DEF6: variants seen among roughly 807,000 people sequenced by gnomAD.
DEF6 encodes differentially expressed in FDCP 6 homolog.
Under a neutral mutation model 80.5 loss-of-function variants are expected in DEF6, and 32 were observed. The observed-to-expected ratio is 0.40, with a 90% CI of 0.30 to 0.53. The LOEUF (loss-of-function observed/expected upper bound fraction) is 0.53. Among genes scored for constraint, DEF6 ranks in the 20% least tolerant of loss-of-function variants. The pLI, the probability that DEF6 is intolerant of heterozygous loss-of-function variation, is 0.57. For missense variants in DEF6, 575 were observed against 818.7 expected, an observed-to-expected ratio of 0.70 and a Z score of 3.63; for synonymous variants, 300 against 337.9, an observed-to-expected ratio of 0.89 and a Z score of 1.23.
In DEF6 at chr6:35,319,582, G is replaced by A. The variant is rs766579626; in HGVS notation, c.1274G>A (p.Arg425Gln). ...ELKEEEAARQRQRIKELEEMQ... is the reference protein window; with the variant it reads ...ELKEEEAARQQQRIKELEEMQ... The stretch of plus-strand genomic sequence containing the variant: ...AAGGAGGAGGAGGCTGCCCGGCAGC[G>A]GCAGCGCATCAAGGAGCTGGAGGAG... Residue 425 changes from arginine (R) to glutamine (Q), a missense_variant, in exon 8 of 11, where the codon CGG becomes CAG. Transcript: ENST00000316637. The surrounding 1 kb of genome is among the most constrained non-coding windows in gnomAD (Gnocchi z 4.5). 1 of 1,613,770 alleles carries A rather than the reference G, an allele frequency of 6.2e-7. No homozygotes were observed. The highest frequency in any genetic ancestry group is 2.2e-5 in the East Asian group (1 of 44,864).
At chr6:35,317,777 G>T (rs183954536) in intron 5 of DEF6, 114 bp from the exon 6 acceptor site, 2 of 823,480 alleles carry the variant, frequency 2.4e-6, no homozygotes, top group East Asian at 2.8e-5. Flanking sequence ...GCAGAGTGGG[G>T]TCCCCAGGGA....
intron 1 of DEF6, among the ~76,000 whole-genome samples, chr6:35,298,511 C>G (rs568607398): frequency 6.6e-6 from 1 of 152,130 alleles, no homozygotes; most frequent in East Asian, 1.9e-4. Flanking sequence ...TATACTGCTA[C>G]GCAGCTCACC....
intron 1 of DEF6, among the ~76,000 whole-genome samples, chr6:35,301,380 C>T (rs1009480872): frequency 3.3e-5 from 5 of 152,200 alleles, no homozygotes; most frequent in African/African-American, 7.2e-5. Flanking sequence ...TGGATCCGTA[C>T]TGCTCCCCAT....
At chr6:35,311,015 A>C (rs1791459143) in intron 3 of DEF6, among the ~76,000 whole-genome samples, 1 of 152,168 alleles carries the variant, frequency 6.6e-6, no homozygotes, top group Non-Finnish European at 1.5e-5. Context: ...CTTCCAGGAC[A>C]GGAAGGATGC....
At chr6:35,317,251 G>A (rs1791533126) in intron 5 of DEF6, among the ~76,000 whole-genome samples, 2 of 152,244 alleles carry the variant, frequency 1.3e-5, no homozygotes, top group Non-Finnish European at 1.5e-5. Flanking sequence ...CAGACTAACA[G>A]TGTGAGGTGG....
Position 35,312,918 on chromosome 6 carries a change from TC to T in DEF6, c.807+148del. On this transcript the variant is annotated intron_variant, in intron 5 of 10. Coordinates refer to ENST00000316637, the MANE Select transcript of DEF6 (RefSeq NM_022047.4). This position sits in a 1 kb window ranked among gnomAD's most constrained non-coding sequence, Gnocchi z 6.6. Reference sequence around the variant, plus strand: ...CTTAGATTAGTGTGACCCAAATATATCCGGATGCCTCAAGGCCATTCTCATC... The same window carrying T: ...CTTAGATTAGTGTGACCCAAATATATCGGATGCCTCAAGGCCATTCTCATC... 2.1e-6 allele frequency: 2 copies of T among 953,690 alleles called. No individual in the cohort carries two copies. The highest frequency in any genetic ancestry group is 3.4e-5 in the South Asian group (2 of 58,864). 59.1% of individuals were successfully genotyped at this position (953,690 alleles called of 1,614,324 possible).
At chr6:35,302,278 G>C (rs1188887166) in intron 1 of DEF6, among the ~76,000 whole-genome samples, 1 of 152,082 alleles carries the variant, frequency 6.6e-6, no homozygotes, top group Non-Finnish European at 1.5e-5. Context: ...AGGATCGCTT[G>C]AGCCCGAGAG....
At chr6:35,302,495 T>G (rs780019037) in intron 1 of DEF6, among the ~76,000 whole-genome samples, 2 of 152,180 alleles carry the variant, frequency 1.3e-5, no homozygotes, top group Non-Finnish European at 2.9e-5. Context: ...AACATGGACC[T>G]GACACCCACA....
chr6:35,307,293 G>A (rs1304072960), intron 1 of DEF6, among the ~76,000 whole-genome samples: 1 of 152,236 alleles, frequency 6.6e-6, no homozygotes, highest in Non-Finnish European at 1.5e-5. Context: ...CAGCTACTCA[G>A]GAGGCTGAGG....
At chr6:35,315,580 G>A (rs1791515910) in intron 5 of DEF6, among the ~76,000 whole-genome samples, 1 of 151,926 alleles carries the variant, frequency 6.6e-6, no homozygotes. Flanking sequence ...CCAATACATA[G>A]CATGGGATAT....
intron 2 of DEF6, 104 bp from the exon 3 acceptor site, chr6:35,310,355 A>G (rs1791447309): frequency 3.2e-6 from 4 of 1,258,916 alleles, no homozygotes; most frequent in African/African-American, 1.5e-5. Context: ...GGACTTGGCC[A>G]GGTGGGGAGC....
intron 1 of DEF6, among the ~76,000 whole-genome samples, chr6:35,298,744 A>C (rs1791275211): frequency 6.6e-6 from 1 of 152,188 alleles, no homozygotes; most frequent in South Asian, 2.1e-4. Flanking sequence ...GGGAGGAAGC[A>C]AGGCCCTCAG....
intron 1 of DEF6, among the ~76,000 whole-genome samples, chr6:35,305,525 TAAA>T: frequency 6.6e-6 from 1 of 152,208 alleles, no homozygotes; most frequent in East Asian, 1.9e-4. Context: ...GAATTTATTA[TAAA>T]ATTAAAACAT....
Position 35,319,532 on chromosome 6 carries a change from C to T in DEF6, c.1224C>T (p.Ala408=), listed in dbSNP as rs138908911. 974 of 1,611,694 alleles carry T rather than the reference C, an allele frequency of 6.0e-4. 1 individual carries two copies. Among genetic ancestry groups the T allele is most frequent in the Non-Finnish European group, 7.5e-4 (885 of 1,178,692 alleles). The part of the protein sequence containing the change: ...GQLREAEQAR[A]SMQAEMELKE... ...ACCTCCCCCCTCCACAGGCCCGGGC[C>T]TCCATGCAGGCTGAGATGGAGCTGA... The change falls in exon 8 of 11, where the codon GCC becomes GCT. Residue 408 remains alanine, a synonymous_variant. Coordinates refer to ENST00000316637, the MANE Select transcript of DEF6 (RefSeq NM_022047.4). The surrounding 1 kb of genome is among the most constrained non-coding windows in gnomAD (Gnocchi z 4.5).
At position 35,297,842 on chromosome 6, in the gene DEF6, G is replaced by A. The variant is rs1381508788; in HGVS notation, c.-15G>A. The A allele has an allele frequency of 2.5e-6, 4 of 1,580,594 alleles. No homozygotes were observed. In the African/African-American group the frequency reaches 4.0e-5, roughly 16 times the overall value. The stretch of plus-strand genomic sequence containing the variant: ...TAGTGTCAGAGCCGCCCCCAGCCGG[G>A]CGGGCGCCTCAGCCATGGCCCTGCG... On this transcript the variant is annotated 5_prime_UTR_variant, in exon 1 of 11. Transcript: ENST00000316637.
chr6:35,300,718 C>G (rs1791303127), intron 1 of DEF6, among the ~76,000 whole-genome samples: 1 of 152,106 alleles, frequency 6.6e-6, no homozygotes, highest in African/African-American at 2.4e-5. Context: ...ACAAAACTTC[C>G]CAGGAGTTGA....
At position 35,313,631 on chromosome 6, in the gene DEF6, G is replaced by C. The variant is rs56863135; in HGVS notation, c.807+859G>C. Among the ~76,000 whole-genome samples, 959 of 152,080 alleles carry C rather than the reference G, an allele frequency of 6.3e-3. 13 individuals are homozygous for C. The highest frequency in any genetic ancestry group is 0.02 in the African/African-American group (819 of 41,470). ...CTCCCCCCACACTTCCTGGCCTCTG[G>C]TACCACTAATATACTCTCTATCTTC... On this transcript the variant is annotated intron_variant, in intron 5 of 10. Coordinates refer to ENST00000316637, the MANE Select transcript of DEF6 (RefSeq NM_022047.4).
chr6:35,312,161 C>A lies in DEF6; in HGVS notation c.424-141C>A. 1 of 687,714 alleles carries A rather than the reference C, an allele frequency of 1.5e-6. No homozygotes were observed. Among genetic ancestry groups the A allele is most frequent in the Non-Finnish European group, 2.4e-6 (1 of 413,290 alleles). 42.6% of individuals were successfully genotyped at this position (687,714 alleles called of 1,614,324 possible). ...CCAGGTCTTTTCCCTGGCTCCATAA[C>A]ATTCGGTCCTCTGGCCCCCTCAACG... On this transcript the variant is annotated intron_variant, in intron 3 of 10. Coordinates refer to ENST00000316637, the MANE Select transcript of DEF6 (RefSeq NM_022047.4). The surrounding 1 kb of genome is among the most constrained non-coding windows in gnomAD (Gnocchi z 6.6).
At chr6:35,320,058 A>T in intron 9 of DEF6, 41 bp downstream of exon 9, 2 of 1,539,838 alleles carry the variant, frequency 1.3e-6, no homozygotes, top group Non-Finnish European at 1.8e-6. Flanking sequence ...TGGCAGGGTG[A>T]GCTCATTAGG....
Sources: allele counts gnomAD v4.1 joint callset (sites outside exome capture counted in the v4.1 genomes callset), GRCh38; gene constraint gnomAD v4.1.1; non-coding constraint Gnocchi (gnomAD v3.1); transcripts MANE v1.5; gene names NCBI Gene and HGNC (gene_info 2026-07-23, HGNC 2026-07-21).